The following PTBP3 variants were observed in gnomAD, a reference collection of about 807,000 sequenced individuals.
PTBP3 encodes polypyrimidine tract-binding protein 3.
In PTBP3, 20 loss-of-function variants were observed where a neutral mutation model predicts 58.7. That is an observed-to-expected ratio of 0.34 (90% CI 0.24 to 0.50). The LOEUF (loss-of-function observed/expected upper bound fraction) is 0.50. Ranked by LOEUF, PTBP3 falls within the 20% of genes least tolerant of loss-of-function variation. The probability of loss-of-function intolerance (pLI) is 0.98; values close to 1 mark genes in which losing one functional copy is unlikely to be tolerated. For synonymous variants in PTBP3, 185 were observed against 219.8 expected, an observed-to-expected ratio of 0.84 and a Z score of 1.40; for missense variants, 509 against 637.2, an observed-to-expected ratio of 0.80 and a Z score of 2.17.
intron 5 of PTBP3, among the ~76,000 whole-genome samples, chr9:112,256,272 AATATATATATATAT>A (rs1186696553): frequency 1.2e-5 from 1 of 82,964 alleles, no homozygotes; most frequent in Admixed American, 1.2e-4. Context: ...AAAAAAACAA[AATATATATATATAT>A]ATATATACAT....
At chr9:112,284,627 C>T (rs959966571) in intron 2 of PTBP3, among the ~76,000 whole-genome samples, 2 of 152,136 alleles carry the variant, frequency 1.3e-5, no homozygotes, top group East Asian at 1.9e-4. Context: ...ACCTAGGAGG[C>T]GTAGGCTGCA....
chr9:112,371,403 C>T, the PTBP3 span, among the ~76,000 whole-genome samples: 5 of 152,304 alleles, frequency 3.3e-5, no homozygotes, highest in Admixed American at 3.3e-4. Context: ...CTACTAATTG[C>T]ACTTGGATTT....
intron 1 of PTBP3, among the ~76,000 whole-genome samples, chr9:112,319,515 C>T (rs1015873125): frequency 6.6e-6 from 1 of 152,172 alleles, no homozygotes; most frequent in Non-Finnish European, 1.5e-5. Flanking sequence ...TATGACCTCA[C>T]ATCTGTTAGA....
At chr9:112,363,716 T>C in the PTBP3 span, among the ~76,000 whole-genome samples, 2 of 152,196 alleles carry the variant, frequency 1.3e-5, no homozygotes, top group East Asian at 3.8e-4. Context: ...TAGACTTGAT[T>C]TTTTAGAAGA....
intron 7 of PTBP3, among the ~76,000 whole-genome samples, chr9:112,237,766 T>C (rs1835491543): frequency 1.3e-5 from 2 of 152,110 alleles, no homozygotes; most frequent in Admixed American, 1.3e-4. Context: ...CATTAACCTA[T>C]TAATATAAGC....
the PTBP3 span, among the ~76,000 whole-genome samples, chr9:112,368,527 CTT>C: frequency 1.7e-4 from 25 of 150,360 alleles, no homozygotes; most frequent in Non-Finnish European, 2.7e-4. Context: ...CAAATCTTGG[CTT>C]TTTTTTTTTA....
chr9:112,231,959 G>C, intron 9 of PTBP3, 140 bp downstream of exon 9: 1 of 365,162 alleles, frequency 2.7e-6, no homozygotes, highest in Non-Finnish European at 4.5e-6. Context: ...GAAGAGAAGA[G>C]AAGAGAAGAG....
intron 1 of PTBP3, chr9:112,333,063 C>A: frequency 7.9e-7 from 1 of 1,269,882 alleles, no homozygotes; most frequent in Non-Finnish European, 9.9e-7. Context: ...GGAGGACGCC[C>A]GCCCCGCGCG....
At chr9:112,347,477 G>T in the PTBP3 span, among the ~76,000 whole-genome samples, 7 of 152,020 alleles carry the variant, frequency 4.6e-5, no homozygotes, top group African/African-American at 1.7e-4. Context: ...CAGTAGCTGG[G>T]ACTACAGGCA....
upstream of PTBP3, chr9:112,333,726 C>T (rs1458360718): frequency 5.4e-6 from 2 of 371,032 alleles, no homozygotes; most frequent in Non-Finnish European, 9.6e-6. Flanking sequence ...CTCACCGTCC[C>T]CGCCCTCCCT....
the PTBP3 span, among the ~76,000 whole-genome samples, chr9:112,378,765 T>G: frequency 6.6e-6 from 1 of 152,184 alleles, no homozygotes; most frequent in African/African-American, 2.4e-5. Context: ...AATCACTTAG[T>G]GGATGATAAT....
At chr9:112,335,467 G>A (rs1469879457), upstream of PTBP3, among the ~76,000 whole-genome samples, 1 of 151,622 alleles carries the variant, frequency 6.6e-6, no homozygotes, top group African/African-American at 2.4e-5. Flanking sequence ...TGTGTTTTTA[G>A]TAGAGACAGG....
In PTBP3 at chr9:112,221,604, C is replaced by T. The variant is rs1477141696; in HGVS notation, c.*2247G>A. 2 of 985,182 alleles carry T rather than the reference C, an allele frequency of 2.0e-6. No individual in the cohort carries two copies. Among genetic ancestry groups the T allele is most frequent in the Non-Finnish European group, 2.4e-6 (2 of 829,888 alleles). The allele number at this position is 985,182 out of a possible 1,614,324, so 61.0% of individuals were successfully genotyped here. On this transcript the variant is annotated 3_prime_UTR_variant, in exon 14 of 14. Transcript: ENST00000374257. ...AGAAATTTTTTTCCTCCTTCATATA[C>T]CCCTTGTGTCTAGGTCAAAACTTAT...
intron 10 of PTBP3, among the ~76,000 whole-genome samples, chr9:112,229,242 G>T: frequency 6.6e-6 from 1 of 152,004 alleles, no homozygotes; most frequent in East Asian, 1.9e-4. Context: ...CAGTTTATGT[G>T]CTACAGAGTA....
At chr9:112,229,556 C>A (rs1215117492) in intron 10 of PTBP3, among the ~76,000 whole-genome samples, 1 of 111,666 alleles carries the variant, frequency 9.0e-6, no homozygotes, top group Non-Finnish European at 1.8e-5. Context: ...CAGAATAAGA[C>A]CCTGTCTCAA....
At chr9:112,331,082 AACAC>A (rs10660591) in intron 1 of PTBP3, among the ~76,000 whole-genome samples, 6,387 of 139,478 alleles carry the variant, frequency 0.046, 264 homozygotes, top group African/African-American at 0.12. Context: ...GGAGGAAACG[AACAC>A]ACACACACAC....
intron 1 of PTBP3, among the ~76,000 whole-genome samples, chr9:112,306,586 G>GTGTATATATA (rs772584990): frequency 4.4e-5 from 5 of 114,520 alleles, no homozygotes; most frequent in African/African-American, 1.7e-4. Context: ...ATTTAAATTT[G>GTGTATATATA]TATATATATA....
intron 1 of PTBP3, among the ~76,000 whole-genome samples, chr9:112,309,085 C>T (rs1195368548): frequency 6.6e-6 from 1 of 152,112 alleles, no homozygotes; most frequent in African/African-American, 2.4e-5. Flanking sequence ...CTTCATGTAT[C>T]TAAAATGCAT....
chr9:112,283,879 G>A (rs1199232995), intron 2 of PTBP3, among the ~76,000 whole-genome samples: 2 of 152,210 alleles, frequency 1.3e-5, no homozygotes, highest in African/African-American at 4.8e-5. Flanking sequence ...GCTAAAAGGG[G>A]CCAAGGTACA....
Sources: gnomAD v4.1 joint callset for allele counts (sites outside exome capture counted in the v4.1 genomes callset) on GRCh38, gnomAD v4.1.1 for gene constraint, MANE v1.5 for transcripts, NCBI Gene and HGNC (gene_info 2026-07-23, HGNC 2026-07-21) for gene names.